The following PCCA variants were observed in gnomAD, a reference collection of about 807,000 sequenced individuals.
PCCA encodes propionyl-CoA carboxylase subunit alpha, also known as propionyl-CoA carboxylase alpha chain, mitochondrial.
PCCA carries 74 observed loss-of-function variants against 101.3 expected under a neutral mutation model. The observed-to-expected ratio is 0.73, with a 90% CI of 0.61 to 0.89. PCCA has a LOEUF of 0.89. Among genes scored for constraint, PCCA ranks in the 40% least tolerant of loss-of-function variants. The probability of loss-of-function intolerance (pLI) is 0.00; values close to 1 mark genes in which losing one functional copy is unlikely to be tolerated. For missense variants in PCCA, 891 were observed against 907.0 expected, an observed-to-expected ratio of 0.98 and a Z score of 0.23; for synonymous variants, 294 against 313.6, an observed-to-expected ratio of 0.94 and a Z score of 0.66.
At chr13:100,494,763 C>T (rs571213856) in intron 21 of PCCA, among the ~76,000 whole-genome samples, 1 of 152,128 alleles carries the variant, frequency 6.6e-6, no homozygotes, top group South Asian at 2.1e-4. Flanking sequence ...AAGACTCTGC[C>T]CGGCCCGCTG....
chr13:100,144,485 A>C (rs2052293186), intron 4 of PCCA, among the ~76,000 whole-genome samples: 1 of 152,160 alleles, frequency 6.6e-6, no homozygotes, highest in Admixed American at 6.6e-5. Context: ...ACTTTCATGT[A>C]CTCATTTTTA....
intron 19 of PCCA, among the ~76,000 whole-genome samples, chr13:100,369,784 A>G (rs1226944252): frequency 6.6e-6 from 1 of 152,156 alleles, no homozygotes; most frequent in Non-Finnish European, 1.5e-5. Flanking sequence ...ACCTATTGAC[A>G]TGGTCATTTC....
At chr13:100,423,006 GTTTT>G (rs78572124) in intron 19 of PCCA, among the ~76,000 whole-genome samples, 1 of 138,228 alleles carries the variant, frequency 7.2e-6, no homozygotes. Flanking sequence ...TTTTCTCTGA[GTTTT>G]TTTTTTTTTT....
At chr13:100,130,607 G>A (rs1235956073) in intron 4 of PCCA, among the ~76,000 whole-genome samples, 1 of 152,160 alleles carries the variant, frequency 6.6e-6, no homozygotes, top group Non-Finnish European at 1.5e-5. Flanking sequence ...ATTTGAAAAT[G>A]TCTTATTTTG....
intron 4 of PCCA, among the ~76,000 whole-genome samples, chr13:100,136,475 G>A (rs1325286470): frequency 6.6e-6 from 1 of 152,036 alleles, no homozygotes; most frequent in Admixed American, 6.6e-5. Flanking sequence ...TGTGAGCCAC[G>A]CGCCCGGCCT....
At chr13:100,392,357 C>G (rs1301657051) in intron 19 of PCCA, among the ~76,000 whole-genome samples, 1 of 152,138 alleles carries the variant, frequency 6.6e-6, no homozygotes, top group East Asian at 1.9e-4. Flanking sequence ...TTTCATACAC[C>G]TTAACAAACT....
chr13:100,344,870 A>G (rs1394909426), intron 18 of PCCA, among the ~76,000 whole-genome samples: 1 of 152,004 alleles, frequency 6.6e-6, no homozygotes, highest in Non-Finnish European at 1.5e-5. Context: ...GGTAATTCTC[A>G]TTACATTTCA....
intron 21 of PCCA, among the ~76,000 whole-genome samples, chr13:100,457,646 C>G (rs1232713457): frequency 6.6e-6 from 1 of 152,144 alleles, no homozygotes; most frequent in Admixed American, 6.6e-5. Context: ...TCGCACCTGC[C>G]CTTTGATCTG....
intron 4 of PCCA, among the ~76,000 whole-genome samples, chr13:100,153,377 T>G (rs1349463367): frequency 1.3e-5 from 2 of 152,200 alleles, no homozygotes; most frequent in Admixed American, 1.3e-4. Context: ...CATCCTAAAT[T>G]GAAGTACTTG....
At chr13:100,101,773 G>A (rs1016285689) in intron 1 of PCCA, among the ~76,000 whole-genome samples, 1 of 151,634 alleles carries the variant, frequency 6.6e-6, no homozygotes, top group Non-Finnish European at 1.5e-5. Flanking sequence ...ATTTTTTTGT[G>A]TGTGTTTTTA....
At chr13:100,161,495 C>G (rs2054469319) in intron 6 of PCCA, 1 of 152,126 alleles carries the variant, frequency 6.6e-6, no homozygotes, top group Non-Finnish European at 1.5e-5. Flanking sequence ...AGGCTGCAGT[C>G]CATGATGTGT....
At chr13:100,313,177 T>C (rs1468989284) in intron 16 of PCCA, among the ~76,000 whole-genome samples, 2 of 152,146 alleles carry the variant, frequency 1.3e-5, no homozygotes, top group Non-Finnish European at 2.9e-5. Context: ...GTTTTTCTCC[T>C]GATCCATTTG....
chr13:100,089,130 T>C lies in PCCA; in HGVS notation c.10T>C (p.Phe4Leu). MAGFWVGTAPLVAA... is the reference protein window; with the variant it reads MAGLWVGTAPLVAA... ...GTCTGCGGGGACAACAATGGCGGGGTTCTGGGTCGGGACAGCACCGCTGGT... is the reference window on the plus strand; with the variant it reads ...GTCTGCGGGGACAACAATGGCGGGGCTCTGGGTCGGGACAGCACCGCTGGT... Residue 4 changes from phenylalanine to leucine, a missense_variant, in exon 1 of 24, where the codon TTC becomes CTC. Physicochemically the swap from Phe to Leu is conservative, Grantham distance 22 (BLOSUM62 0). Transcript: ENST00000376285. 6.7e-7 allele frequency: 1 copy of C among 1,486,966 alleles called. No individual in the cohort carries two copies. Among genetic ancestry groups the C allele is most frequent in the East Asian group, 2.7e-5 (1 of 37,042 alleles). 92.1% of individuals were successfully genotyped at this position (1,486,966 alleles called of 1,614,324 possible).
At chr13:100,474,284 GT>G (rs2083247709) in intron 21 of PCCA, among the ~76,000 whole-genome samples, 1 of 152,102 alleles carries the variant, frequency 6.6e-6, no homozygotes, top group African/African-American at 2.4e-5. Context: ...AAAGGCCCAT[GT>G]TTTTCCTTTA....
chr13:100,155,102 A>T lies in PCCA; in HGVS notation c.414+10A>T. The T allele has an allele frequency of 6.5e-7, 1 of 1,535,244 alleles. No individual in the cohort carries two copies. The highest frequency in any genetic ancestry group is 9.0e-7 in the Non-Finnish European group (1 of 1,107,852). Reference sequence around the variant, plus strand: ...AACCAGGGCCCAAGCTGTGAGTCTGAATGAATCTATCTACTGCAGCTGTTT... The same window carrying T: ...AACCAGGGCCCAAGCTGTGAGTCTGTATGAATCTATCTACTGCAGCTGTTT... On this transcript the variant is annotated intron_variant, in intron 5 of 23. Transcript: ENST00000376285.
chr13:100,127,969 T>G (rs542477861), intron 4 of PCCA, among the ~76,000 whole-genome samples: 365 of 152,326 alleles, frequency 2.4e-3, no homozygotes, highest in African/African-American at 8.3e-3. Context: ...AGGCCATGAC[T>G]TAACTCATTT....
chr13:100,097,941 T>G (rs2046924060), intron 1 of PCCA, among the ~76,000 whole-genome samples: 1 of 152,138 alleles, frequency 6.6e-6, no homozygotes, highest in South Asian at 2.1e-4. Flanking sequence ...GGAGGATTGC[T>G]TGAATGCAGG....
chr13:100,263,293 G>A lies in PCCA; in HGVS notation c.819+462G>A, dbSNP rs77865106. 7.9e-5 allele frequency among the ~76,000 whole-genome samples: 12 copies of A among 152,226 alleles called. No individual in the cohort carries two copies. In the East Asian group the frequency reaches 1.9e-3, roughly 24 times the overall value. Reference sequence around the variant, plus strand: ...AAATGGGTTTTCTAAAATAAAACGGGGAAGAAGACAAGTCTGTTGAAGTTT... The same window carrying A: ...AAATGGGTTTTCTAAAATAAAACGGAGAAGAAGACAAGTCTGTTGAAGTTT... On this transcript the variant is annotated intron_variant, in intron 10 of 23. Coordinates refer to ENST00000376285, the MANE Select transcript of PCCA (RefSeq NM_000282.4).
intron 20 of PCCA, among the ~76,000 whole-genome samples, chr13:100,444,599 T>C (rs994896489): frequency 1.2e-4 from 19 of 152,056 alleles, no homozygotes; most frequent in East Asian, 9.7e-4. Context: ...CCCGCCACCA[T>C]GCCCAGCTAA....
Sources: allele counts gnomAD v4.1 joint callset (sites outside exome capture counted in the v4.1 genomes callset), GRCh38; gene constraint gnomAD v4.1.1; transcripts MANE v1.5; gene names NCBI Gene and HGNC (gene_info 2026-07-23, HGNC 2026-07-21).